The following DPP10 variants were observed in gnomAD, a reference collection of about 807,000 sequenced individuals.
DPP10 encodes the protein inactive dipeptidyl peptidase 10.
In DPP10, 33 loss-of-function variants were observed where a neutral mutation model predicts 120.9. The ratio of observed to expected loss-of-function variants is 0.27; its 90% CI spans 0.21 to 0.37. The LOEUF (loss-of-function observed/expected upper bound fraction) is 0.37, where lower values mean the gene tolerates loss of function less well. Ranked by LOEUF, DPP10 falls within the 10% of genes least tolerant of loss-of-function variation. DPP10 has a pLI of 1.00. For synonymous variants in DPP10, 337 were observed against 326.1 expected, an observed-to-expected ratio of 1.03 and a Z score of -0.36; for missense variants, 816 against 942.8, an observed-to-expected ratio of 0.87 and a Z score of 1.76.
chr2:114,863,703 T>C (rs1690004372), intron 1 of DPP10, among the ~76,000 whole-genome samples: 1 of 152,252 alleles, frequency 6.6e-6, no homozygotes, highest in African/African-American at 2.4e-5. Flanking sequence ...CTTCTTTAAA[T>C]ACTGGAAGGC....
intron 1 of DPP10, among the ~76,000 whole-genome samples, chr2:115,050,962 A>G (rs1427738305): frequency 1.3e-5 from 2 of 152,234 alleles, no homozygotes; most frequent in African/African-American, 4.8e-5. Flanking sequence ...ATTAATTCAG[A>G]AAAGTCACTA....
chr2:114,950,539 T>C (rs1268285999), intron 1 of DPP10, among the ~76,000 whole-genome samples: 3 of 151,922 alleles, frequency 2.0e-5, no homozygotes, highest in Admixed American at 6.6e-5. Flanking sequence ...TCTCCTGACC[T>C]GTGATCTGCC....
rs190155165 is a variant in DPP10 at position 114,622,206 on chromosome 2, C to T, written c.60+179368C>T. On this transcript the variant is annotated intron_variant, in intron 1 of 25. Transcript: ENST00000410059. ...TGAATGCTCTCTATTTGGCAGAAAG[C>T]GTGGTATATGGTAGATACTTCACTT... Among the ~76,000 whole-genome samples the T allele has an allele frequency of 1.3e-3, 200 of 151,972 alleles. 1 individual carries two copies. The highest frequency in any genetic ancestry group is 2.3e-3 in the African/African-American group (95 of 41,490).
At chr2:114,758,623 G>C (rs1323958794) in intron 1 of DPP10, among the ~76,000 whole-genome samples, 1 of 152,122 alleles carries the variant, frequency 6.6e-6, no homozygotes, top group Admixed American at 6.6e-5. Flanking sequence ...AGAAGATATA[G>C]AGGTTTCCAT....
At chr2:115,243,553 AAG>A (rs1351910165) in intron 1 of DPP10, among the ~76,000 whole-genome samples, 2 of 152,170 alleles carry the variant, frequency 1.3e-5, no homozygotes, top group Non-Finnish European at 2.9e-5. Context: ...TTATTTGCTA[AAG>A]AGTTTTTTGA....
chr2:115,323,643 A>C (rs1386179688), intron 2 of DPP10, among the ~76,000 whole-genome samples: 1 of 152,204 alleles, frequency 6.6e-6, no homozygotes, highest in Non-Finnish European at 1.5e-5. Flanking sequence ...TTGGAAAATC[A>C]AAATTACTCC....
intron 7 of DPP10, among the ~76,000 whole-genome samples, chr2:115,694,499 G>A (rs960775777): frequency 2.0e-5 from 3 of 152,156 alleles, no homozygotes; most frequent in African/African-American, 7.2e-5. Flanking sequence ...CAATTTAGAT[G>A]TGTCAAAATT....
At chr2:115,839,243 T>C (rs890348562) in intron 24 of DPP10, among the ~76,000 whole-genome samples, 1 of 152,164 alleles carries the variant, frequency 6.6e-6, no homozygotes, top group Non-Finnish European at 1.5e-5. Context: ...GACTATCTAG[T>C]TTTTTAATAG....
At chr2:115,447,820 G>A (rs150457552) in intron 3 of DPP10, among the ~76,000 whole-genome samples, 1 of 152,322 alleles carries the variant, frequency 6.6e-6, no homozygotes, top group East Asian at 1.9e-4. Context: ...CTTTATGGCA[G>A]TGTGAAAATG....
At chr2:114,736,098 A>G (rs540280542) in intron 1 of DPP10, among the ~76,000 whole-genome samples, 1 of 151,904 alleles carries the variant, frequency 6.6e-6, no homozygotes, top group Non-Finnish European at 1.5e-5. Context: ...GAGCCTTGGA[A>G]GAAGCATCTA....
chr2:114,501,868 C>T (rs1226463122), intron 1 of DPP10, among the ~76,000 whole-genome samples: 3 of 151,270 alleles, frequency 2.0e-5, no homozygotes, highest in African/African-American at 7.3e-5. Context: ...AGTGTCTTTC[C>T]ATCTGGTCAA....
At chr2:115,514,968 GTGTA>G (rs890120382) in intron 4 of DPP10, among the ~76,000 whole-genome samples, 1 of 151,744 alleles carries the variant, frequency 6.6e-6, no homozygotes, top group Admixed American at 6.6e-5. Flanking sequence ...TTATATGTGT[GTGTA>G]TGTGTATATG....
chr2:115,233,383 T>C (rs2057836999), intron 1 of DPP10, among the ~76,000 whole-genome samples: 1 of 152,168 alleles, frequency 6.6e-6, no homozygotes, highest in South Asian at 2.1e-4. Context: ...TATCTAGTTT[T>C]TTAAGACATG....
intron 1 of DPP10, among the ~76,000 whole-genome samples, chr2:114,785,848 A>AC (rs1019330922): frequency 6.6e-6 from 1 of 152,212 alleles, no homozygotes; most frequent in Non-Finnish European, 1.5e-5. Flanking sequence ...CTTGAACTAT[A>AC]AAGAGGTTAA....
At chr2:115,093,325 T>C (rs1709437608) in intron 1 of DPP10, among the ~76,000 whole-genome samples, 3 of 152,176 alleles carry the variant, frequency 2.0e-5, no homozygotes, top group Middle Eastern at 6.8e-3. Flanking sequence ...TAGCAATGAG[T>C]TATAAATGGA....
At chr2:114,686,261 G>GT in intron 1 of DPP10, among the ~76,000 whole-genome samples, 1 of 151,906 alleles carries the variant, frequency 6.6e-6, no homozygotes, top group South Asian at 2.1e-4. Context: ...TTTTGTATCT[G>GT]TTTTTCAGAT....
intron 1 of DPP10, among the ~76,000 whole-genome samples, chr2:115,176,189 A>T (rs1401954502): frequency 6.6e-6 from 1 of 151,448 alleles, no homozygotes; most frequent in Non-Finnish European, 1.5e-5. Context: ...TGACAAAATT[A>T]TTAGTATTTT....
At chr2:115,543,701 A>G (rs1375415595) in intron 5 of DPP10, among the ~76,000 whole-genome samples, 1 of 152,006 alleles carries the variant, frequency 6.6e-6, no homozygotes, top group Non-Finnish European at 1.5e-5. Flanking sequence ...CTAGCTGTGA[A>G]AAAAATTCAT....
In DPP10 at chr2:115,697,842, G is replaced by A. The variant is rs890505154; in HGVS notation, c.576+7921G>A. 5.9e-5 allele frequency among the ~76,000 whole-genome samples: 9 copies of A among 152,132 alleles called. No homozygotes were observed. In the South Asian group the frequency reaches 6.2e-4, roughly 11 times the overall value. ...CCACTAAAAATACAAAAAATTAGCCGGGCGTGGTGGCGGGCGCCTGTAGTC... is the reference window on the plus strand; with the variant it reads ...CCACTAAAAATACAAAAAATTAGCCAGGCGTGGTGGCGGGCGCCTGTAGTC... On this transcript the variant is annotated intron_variant, in intron 7 of 25. Transcript: ENST00000410059.
Sources: allele counts gnomAD v4.1 joint callset (sites outside exome capture counted in the v4.1 genomes callset), GRCh38; gene constraint gnomAD v4.1.1; transcripts MANE v1.5; gene names NCBI Gene and HGNC (gene_info 2026-07-23, HGNC 2026-07-21).